The following IGSF3 variants were observed in gnomAD, a reference collection of about 807,000 sequenced individuals.
IGSF3 encodes the protein immunoglobulin superfamily member 3.
A neutral mutation model predicts 114.4 loss-of-function variants in IGSF3; 23 were observed. The ratio of observed to expected loss-of-function variants is 0.20; its 90% CI spans 0.14 to 0.28. The LOEUF (loss-of-function observed/expected upper bound fraction) is 0.28, where lower values mean the gene tolerates loss of function less well. Among genes scored for constraint, IGSF3 ranks in the 10% least tolerant of loss-of-function variants. The pLI is 1.00. For synonymous variants in IGSF3, 571 were observed against 645.2 expected, an observed-to-expected ratio of 0.88 and a Z score of 1.74; for missense variants, 1,172 against 1,591.5, an observed-to-expected ratio of 0.74 and a Z score of 4.48.
Position 116,649,106 on chromosome 1 carries a change from G to A in IGSF3, c.43+17178C>T, listed in dbSNP as rs1384500832. ...GCCACCCATTACAGCTTCAGATCTC[G>A]CTTCTACCAGGATTTCCCAGCTGAG... On this transcript the variant is annotated intron_variant, in intron 2 of 10. Transcript: ENST00000369486. The surrounding 1 kb of genome is among the most constrained non-coding windows in gnomAD (Gnocchi z 4.5). Among the ~76,000 whole-genome samples the A allele has an allele frequency of 6.6e-6, 1 of 152,118 alleles. No homozygotes were observed. Among genetic ancestry groups the A allele is most frequent in the Non-Finnish European group, 1.5e-5 (1 of 68,018 alleles).
In IGSF3 at chr1:116,612,920, T is replaced by G. The variant is rs1661078421; in HGVS notation, c.832+845A>C. ...GCTCAGGAGACTGGGGAGTAGAGTC[T>G]GGGGCCACAGGAGATACCAAGAGAA... On this transcript the variant is annotated intron_variant, in intron 4 of 10. Coordinates refer to ENST00000369486, the MANE Select transcript of IGSF3 (RefSeq NM_001007237.3). This position sits in a 1 kb window ranked among gnomAD's most constrained non-coding sequence, Gnocchi z 4.1. 6.6e-6 allele frequency among the ~76,000 whole-genome samples: 1 copy of G among 152,208 alleles called. No homozygotes were observed. Among genetic ancestry groups the G allele is most frequent in the Non-Finnish European group, 1.5e-5 (1 of 68,022 alleles).
chr1:116,646,921 A>G (rs1156645697), intron 2 of IGSF3: 1 of 152,286 alleles, frequency 6.6e-6, no homozygotes, highest in Non-Finnish European at 1.5e-5. Context: ...CGCACACTTA[A>G]ACGGCTAATG....
chr1:116,659,798 G>A (rs1649035416), intron 2 of IGSF3, among the ~76,000 whole-genome samples: 2 of 152,272 alleles, frequency 1.3e-5, no homozygotes, highest in Non-Finnish European at 2.9e-5. Context: ...TTGATTTTTA[G>A]TAAGATGAGG....
rs549120751 is a variant in IGSF3, at chr1:116,595,376, G to A, written c.2029+4565C>T. Among the ~76,000 whole-genome samples, 397 of 152,226 alleles carry A rather than the reference G, an allele frequency of 2.6e-3. 1 individual carries two copies. The highest frequency in any genetic ancestry group is 3.6e-3 in the Non-Finnish European group (243 of 68,006). On this transcript the variant is annotated intron_variant, in intron 7 of 10. Coordinates refer to ENST00000369486, the MANE Select transcript of IGSF3 (RefSeq NM_001007237.3). This position sits in a 1 kb window ranked among gnomAD's most constrained non-coding sequence, Gnocchi z 4.2. ...CTGGGATGGAAGAAGGAGAACCCCA[G>A]ACTCCCCTGAAAGAAGGCAGAGGCC... is the stretch of plus-strand genomic sequence containing the variant.
rs1383350483 is a variant in IGSF3, at chr1:116,625,546, AAGAGCCTAAC to A, written c.44-9099_44-9090del. On this transcript the variant is annotated intron_variant, in intron 2 of 10. Coordinates refer to ENST00000369486, the MANE Select transcript of IGSF3 (RefSeq NM_001007237.3). This position sits in a 1 kb window ranked among gnomAD's most constrained non-coding sequence, Gnocchi z 4.7. Reference sequence around the variant, plus strand: ...TCCTCTGGGACTGGGGAAGTTGAGAAAGAGCCTAACAGAGGTAAGGAAGAAGACGGATCAG... The same window carrying A: ...TCCTCTGGGACTGGGGAAGTTGAGAAAGAGGTAAGGAAGAAGACGGATCAG... 6.6e-6 allele frequency among the ~76,000 whole-genome samples: 1 copy of A among 152,264 alleles called. No individual in the cohort carries two copies. Among genetic ancestry groups the A allele is most frequent in the East Asian group, 1.9e-4 (1 of 5,200 alleles).
At position 116,666,397 on chromosome 1, in the gene IGSF3, C is replaced by T; in HGVS notation, c.-71G>A. 1 of 1,398,484 alleles carries T rather than the reference C, an allele frequency of 7.2e-7. No individual in the cohort carries two copies. Among genetic ancestry groups the T allele is most frequent in the East Asian group, 2.3e-5 (1 of 43,928 alleles). 86.6% of individuals were successfully genotyped at this position (1,398,484 alleles called of 1,614,324 possible). ...CCAGCTCCTAATCTCTCATTTCTGG[C>T]AATCCACTTATAGCTCCAGAGAACA... On this transcript the variant is annotated 5_prime_UTR_variant, in exon 2 of 11. Transcript: ENST00000369486.
rs1300345449 is a variant in IGSF3 at position 116,647,728 on chromosome 1, G to C, written c.43+18556C>G. Among the ~76,000 whole-genome samples, 1 of 152,220 alleles carries C rather than the reference G, an allele frequency of 6.6e-6. No individual in the cohort carries two copies. Among genetic ancestry groups the C allele is most frequent in the Admixed American group, 6.5e-5 (1 of 15,284 alleles). On this transcript the variant is annotated intron_variant, in intron 2 of 10. Transcript: ENST00000369486. This position sits in a 1 kb window ranked among gnomAD's most constrained non-coding sequence, Gnocchi z 4.6. Reference sequence around the variant, plus strand: ...GAACAAGACAAACAAACGAAAGGCCGACTGACAGACCACTCGGGTAGCACT... The same window carrying C: ...GAACAAGACAAACAAACGAAAGGCCCACTGACAGACCACTCGGGTAGCACT...
At position 116,657,588 on chromosome 1, in the gene IGSF3, G is replaced by T. The variant is rs115788627; in HGVS notation, c.43+8696C>A. Among the ~76,000 whole-genome samples, 5,251 of 152,204 alleles carry T rather than the reference G, an allele frequency of 0.034. 307 individuals carry two copies. The highest frequency in any genetic ancestry group is 0.12 in the African/African-American group (4,946 of 41,478). ...AAAAAAGGTTTAATTACTCCCTAAT[G>T]GTCTGGGAAACCAAAGATTTCAAAA... is the stretch of plus-strand genomic sequence containing the variant. On this transcript the variant is annotated intron_variant, in intron 2 of 10. Coordinates refer to ENST00000369486, the MANE Select transcript of IGSF3 (RefSeq NM_001007237.3). The surrounding 1 kb of genome is among the most constrained non-coding windows in gnomAD (Gnocchi z 4.2).
Position 116,588,697 on chromosome 1 carries a change from G to A in IGSF3, c.2437C>T (p.Pro813Ser). The A allele has an allele frequency of 5.0e-6, 8 of 1,585,152 alleles. No individual in the cohort carries two copies. The highest frequency in any genetic ancestry group is 1.3e-5 in the African/African-American group (1 of 74,504). Residue 813 changes from proline (P) to serine (S), a missense_variant, in exon 8 of 11, where the codon CCA becomes TCA. Coordinates refer to ENST00000369486, the MANE Select transcript of IGSF3 (RefSeq NM_001007237.3). The surrounding 1 kb of genome is among the most constrained non-coding windows in gnomAD (Gnocchi z 4.9). Reference protein sequence around the residue: ...SGRTEVTVKQPDSRLRLSQAQ... With the variant: ...SGRTEVTVKQSDSRLRLSQAQ... The stretch of plus-strand genomic sequence containing the variant: ...CAGCCGTGCCCTGCGGCCTTACCTG[G>A]CTGTTTCACAGTGACTTCTGTGCGC...
rs1661126406 is a variant in IGSF3 at position 116,614,056 on chromosome 1, C to T, written c.541G>A (p.Val181Met). Residue 181 changes from valine to methionine, a missense_variant, in exon 4 of 11, where the codon GTG becomes ATG. By Grantham distance (21) the Val-to-Met change is conservative. This residue lies in a region of IGSF3 where 736 missense variants were observed against 1,042.0 expected (regional missense o/e 0.71). Transcript: ENST00000369486. The surrounding 1 kb of genome is among the most constrained non-coding windows in gnomAD (Gnocchi z 4.5). ...SETIQHSHLS[V>M]AWLRQKVGEK... The stretch of plus-strand genomic sequence containing the variant: ...CCAACTTTCTGCCGGAGCCAGGCCA[C>T]AGACAGGTGGCTGTGCTGAATGGTC... 1.2e-6 allele frequency: 2 copies of T among 1,614,084 alleles called. No individual in the cohort carries two copies. Among genetic ancestry groups the T allele is most frequent in the African/African-American group, 2.7e-5 (2 of 74,942 alleles).
At position 116,632,980 on chromosome 1, in the gene IGSF3, G is replaced by A. The variant is rs994811271; in HGVS notation, c.44-16523C>T. ...TTCTTCACTGCAGCTATCCTGCCAG[G>A]CTCATTGTAAAGTGACGAATTTTGT... On this transcript the variant is annotated intron_variant, in intron 2 of 10. Coordinates refer to ENST00000369486, the MANE Select transcript of IGSF3 (RefSeq NM_001007237.3). The surrounding 1 kb of genome is among the most constrained non-coding windows in gnomAD (Gnocchi z 5.1). 3.3e-5 allele frequency among the ~76,000 whole-genome samples: 5 copies of A among 152,234 alleles called. No homozygotes were observed. Among genetic ancestry groups the A allele is most frequent in the Non-Finnish European group, 7.3e-5 (5 of 68,042 alleles).
In IGSF3 at chr1:116,644,731, G is replaced by A. The variant is rs1366592169; in HGVS notation, c.43+21553C>T. Among the ~76,000 whole-genome samples the A allele has an allele frequency of 6.6e-6, 1 of 152,200 alleles. No individual in the cohort carries two copies. Among genetic ancestry groups the A allele is most frequent in the Non-Finnish European group, 1.5e-5 (1 of 68,038 alleles). On this transcript the variant is annotated intron_variant, in intron 2 of 10. Transcript: ENST00000369486. The surrounding 1 kb of genome is among the most constrained non-coding windows in gnomAD (Gnocchi z 5.6). ...CCTGTGTGATGAAAGGACCTCCTCA[G>A]GAAACCTCCCCACCAGCAACTGGCT... is the stretch of plus-strand genomic sequence containing the variant.
rs907359461 is a variant in IGSF3, at chr1:116,595,138, G to A, written c.2029+4803C>T. Among the ~76,000 whole-genome samples, 1 of 152,126 alleles carries A rather than the reference G, an allele frequency of 6.6e-6. No individual in the cohort carries two copies. The highest frequency in any genetic ancestry group is 6.5e-5 in the Admixed American group (1 of 15,292). ...GGGAAAGCAGCAAGAGTCTGCAGGT[G>A]GAAATAGCTAATGAAGGTTACCCAG... On this transcript the variant is annotated intron_variant, in intron 7 of 10. Coordinates refer to ENST00000369486, the MANE Select transcript of IGSF3 (RefSeq NM_001007237.3). The surrounding 1 kb of genome is among the most constrained non-coding windows in gnomAD (Gnocchi z 4.2).
At chr1:116,609,177 CCAGA>C (rs1326130902) in intron 4 of IGSF3, among the ~76,000 whole-genome samples, 2 of 151,898 alleles carry the variant, frequency 1.3e-5, no homozygotes, top group Non-Finnish European at 2.9e-5. Flanking sequence ...CTGCTGAAAG[CCAGA>C]CAGCCTCTGA....
chr1:116,579,393 T>C lies in IGSF3; in HGVS notation c.3333A>G (p.Thr1111=). 1 of 1,555,088 alleles carries C rather than the reference T, an allele frequency of 6.4e-7. No homozygotes were observed. Among genetic ancestry groups the C allele is most frequent in the East Asian group, 2.3e-5 (1 of 44,328 alleles). The change falls in exon 10 of 11, where the codon ACA becomes ACG. Residue 1111 remains threonine (T), a splice_region_variant and synonymous_variant. Transcript: ENST00000369486. This position sits in a 1 kb window ranked among gnomAD's most constrained non-coding sequence, Gnocchi z 6.4. ...TCCCTCTGTACTTGGGAAACTCACT[T>C]GTATCTAGAACACGGATGCCGATGG... ...SAPIGIRVLD[T]SPTLQSIICS...
In IGSF3 at chr1:116,584,151, T is replaced by C. The variant is rs1659715139; in HGVS notation, c.2848+494A>G. On this transcript the variant is annotated intron_variant, in intron 9 of 10. Transcript: ENST00000369486. This position sits in a 1 kb window ranked among gnomAD's most constrained non-coding sequence, Gnocchi z 5.8. ...TTGCAGTGAGCCGAGATCGCACCACTGCACTCTGCACTCCAGCCTGGGTGA... is the reference window on the plus strand; with the variant it reads ...TTGCAGTGAGCCGAGATCGCACCACCGCACTCTGCACTCCAGCCTGGGTGA... Among the ~76,000 whole-genome samples the C allele has an allele frequency of 6.6e-6, 1 of 151,682 alleles. No individual in the cohort carries two copies. The highest frequency in any genetic ancestry group is 6.6e-5 in the Admixed American group (1 of 15,234).
chr1:116,608,095 T>C lies in IGSF3; in HGVS notation c.1069A>G (p.Ser357Gly), dbSNP rs1372553988. The part of the protein sequence containing the change: ...GQLKVAKESD[S>G]VFVLKIYHLR... The stretch of plus-strand genomic sequence containing the variant: ...TGGTAGATCTTCAGCACAAAGACAC[T>C]GTCGCTCTCTTTGGCCACCTTAAGC... Residue 357 changes from serine (S) to glycine (G), a missense_variant, in exon 5 of 11, where the codon AGT (serine) becomes GGT (glycine). Around this residue, in one of 3 missense-constraint regions of IGSF3, gnomAD observed 736 missense variants for 1,042.0 expected, o/e 0.71. Transcript: ENST00000369486. The C allele has an allele frequency of 9.3e-6, 15 of 1,613,788 alleles. No individual in the cohort carries two copies. The highest frequency in any genetic ancestry group is 1.7e-5 in the Admixed American group (1 of 59,994).
chr1:116,580,630 T>C (rs1324052618), intron 9 of IGSF3, among the ~76,000 whole-genome samples: 3 of 152,266 alleles, frequency 2.0e-5, no homozygotes, highest in Non-Finnish European at 4.4e-5. Flanking sequence ...GAAGAGCTCT[T>C]ACCAGAACTT....
intron 2 of IGSF3, among the ~76,000 whole-genome samples, chr1:116,658,755 C>T (rs1212483397): frequency 1.3e-5 from 2 of 152,190 alleles, no homozygotes; most frequent in African/African-American, 4.8e-5. Context: ...TCTGGCCTCC[C>T]CTTCACTCCT....
Sources: allele counts gnomAD v4.1 joint callset (sites outside exome capture counted in the v4.1 genomes callset), GRCh38; gene constraint gnomAD v4.1.1; regional missense constraint gnomAD v4.1.1; non-coding constraint Gnocchi (gnomAD v3.1); transcripts MANE v1.5; gene names NCBI Gene and HGNC (gene_info 2026-07-23, HGNC 2026-07-21).